ATP6V1D: variants seen among roughly 807,000 people sequenced by gnomAD.
ATP6V1D encodes V-type proton ATPase subunit D.
Under a neutral mutation model 39.4 loss-of-function variants are expected in ATP6V1D, and 20 were observed. The ratio of observed to expected loss-of-function variants is 0.51; its 90% CI spans 0.36 to 0.74. The LOEUF (loss-of-function observed/expected upper bound fraction) is 0.74, where lower values mean the gene tolerates loss of function less well. ATP6V1D is among the 30% of genes least tolerant of loss of function. The pLI is 0.00. For missense variants in ATP6V1D, 228 were observed against 291.6 expected (o/e 0.78, Z 1.59); for synonymous variants, 100 against 100.5 (o/e 0.99, Z 0.03).
chr14:67,343,784 C>T (rs957384048), intron 6 of ATP6V1D, among the ~76,000 whole-genome samples: 2 of 152,148 alleles, frequency 1.3e-5, no homozygotes, highest in African/African-American at 4.8e-5. Flanking sequence ...ATGGGAGGAT[C>T]GTTTGAGGCT....
At chr14:67,353,934 A>ACTGCACC (rs2085670631) in intron 1 of ATP6V1D, 1 of 151,420 alleles carries the variant, frequency 6.6e-6, no homozygotes, top group Admixed American at 6.6e-5. Context: ...GATTATGGGC[A>ACTGCACC]TGAACCACTG....
Position 67,341,363 on chromosome 14 carries a change from G to A in ATP6V1D, c.524-845C>T, listed in dbSNP as rs573675977. ...TGAGGAGACCCTCCACCCGGCAGCCGCCCCATCTGAGAAGTGAGGAGCCCC... is the reference window on the plus strand; with the variant it reads ...TGAGGAGACCCTCCACCCGGCAGCCACCCCATCTGAGAAGTGAGGAGCCCC... On this transcript the variant is annotated intron_variant, in intron 7 of 8. Transcript: ENST00000216442. 3.0e-3 allele frequency among the ~76,000 whole-genome samples: 444 copies of A among 149,900 alleles called. 4 individuals are homozygous for A. The highest frequency in any genetic ancestry group is 0.011 in the African/African-American group (433 of 40,480).
intron 5 of ATP6V1D, among the ~76,000 whole-genome samples, chr14:67,347,061 G>A (rs994749131): frequency 4.0e-5 from 6 of 151,882 alleles, no homozygotes; most frequent in African/African-American, 7.3e-5. Context: ...ATCAGAACTC[G>A]CTGCAACTAC....
chr14:67,337,926 G>C lies in ATP6V1D; in HGVS notation c.*695C>G, dbSNP rs2085552652. On this transcript the variant is annotated 3_prime_UTR_variant, in exon 9 of 9. Transcript: ENST00000216442. Reference sequence around the variant, plus strand: ...CCAAAATGCAACAGTTGTCTCAAAAGTAAGCCTTTTTGTAAAACTCTAATA... The same window carrying C: ...CCAAAATGCAACAGTTGTCTCAAAACTAAGCCTTTTTGTAAAACTCTAATA... The C allele has an allele frequency of 1.3e-5, 2 of 152,158 alleles. No individual in the cohort carries two copies. The highest frequency in any genetic ancestry group is 6.5e-5 in the Admixed American group (1 of 15,278). 9.4% of individuals were successfully genotyped at this position (152,158 alleles called of 1,614,324 possible). A position where few individuals can be genotyped will look rare whatever the true frequency, so the allele number is the denominator to read the frequency against.
intron 7 of ATP6V1D, among the ~76,000 whole-genome samples, chr14:67,340,845 C>T (rs1017774768): frequency 1.3e-4 from 20 of 152,320 alleles, no homozygotes; most frequent in Non-Finnish European, 2.1e-4. Context: ...GACTGGTTTT[C>T]GTATTTTTTT....
At chr14:67,342,686 A>G (rs2085594029) in intron 7 of ATP6V1D, among the ~76,000 whole-genome samples, 1 of 150,360 alleles carries the variant, frequency 6.7e-6, no homozygotes, top group African/African-American at 2.4e-5. Flanking sequence ...TATAGTTAAT[A>G]TAACAGTTAA....
intron 2 of ATP6V1D, among the ~76,000 whole-genome samples, chr14:67,352,482 A>G (rs1350606724): frequency 6.6e-6 from 1 of 152,130 alleles, no homozygotes; most frequent in African/African-American, 2.4e-5. Flanking sequence ...ATGCGGTAGT[A>G]CATGCTACAA....
At chr14:67,354,675 GA>G (rs747407092) in intron 1 of ATP6V1D, among the ~76,000 whole-genome samples, 14 of 152,104 alleles carry the variant, frequency 9.2e-5, no homozygotes, top group Non-Finnish European at 1.8e-4. Context: ...GCAAAGTAAG[GA>G]AAAAATGTGC....
chr14:67,345,258 T>C (rs1463051729), intron 6 of ATP6V1D, among the ~76,000 whole-genome samples: 1 of 144,850 alleles, frequency 6.9e-6, no homozygotes, highest in Non-Finnish European at 1.5e-5. Flanking sequence ...TAAATAAATT[T>C]TTAAATTAAA....
chr14:67,357,386 A>G (rs985857150), intron 1 of ATP6V1D, among the ~76,000 whole-genome samples: 5 of 152,232 alleles, frequency 3.3e-5, no homozygotes, highest in African/African-American at 9.6e-5. Context: ...ATCTGACTAC[A>G]TGACAAAAAG....
Position 67,355,063 on chromosome 14 carries a change from C to A in ATP6V1D, c.42-2023G>T, listed in dbSNP as rs138410595. Among the ~76,000 whole-genome samples, 59 of 152,212 alleles carry A rather than the reference C, an allele frequency of 3.9e-4. No homozygotes were observed. The East Asian group carries it at 9.5e-3, about 24-fold the overall frequency. On this transcript the variant is annotated intron_variant, in intron 1 of 8. Transcript: ENST00000216442. ...CTGACCTCAGGTGATCCGCCCACCTCGGCCTCACAAAGTGCTAGGATTACA... is the reference window on the plus strand; with the variant it reads ...CTGACCTCAGGTGATCCGCCCACCTAGGCCTCACAAAGTGCTAGGATTACA...
chr14:67,352,151 C>A (rs2085658517), intron 2 of ATP6V1D, among the ~76,000 whole-genome samples: 2 of 151,808 alleles, frequency 1.3e-5, no homozygotes, highest in South Asian at 4.2e-4. Flanking sequence ...ATAAAAACAG[C>A]ACTCATAGAA....
At chr14:67,349,275 A>C (rs937528156) in intron 3 of ATP6V1D, among the ~76,000 whole-genome samples, 171 bp from the exon 4 acceptor site, 1 of 152,242 alleles carries the variant, frequency 6.6e-6, no homozygotes, top group Non-Finnish European at 1.5e-5. Context: ...CTGCTAGAGG[A>C]GGGCCTCTGA....
intron 8 of ATP6V1D, among the ~76,000 whole-genome samples, chr14:67,339,244 G>A (rs556135034): frequency 1.5e-4 from 23 of 152,100 alleles, no homozygotes; most frequent in Middle Eastern, 3.4e-3. Flanking sequence ...TGATCCACCC[G>A]CCTTGGCCTC....
At chr14:67,347,573 C>T (rs1269444035) in intron 4 of ATP6V1D, 120 bp from the exon 5 acceptor site, 2 of 788,694 alleles carry the variant, frequency 2.5e-6, no homozygotes, top group Admixed American at 5.2e-5. Flanking sequence ...GTGATCTCGC[C>T]TCACCGCAAC....
intron 2 of ATP6V1D, among the ~76,000 whole-genome samples, chr14:67,352,298 C>T (rs1323048560): frequency 6.6e-6 from 1 of 151,598 alleles, no homozygotes; most frequent in African/African-American, 2.4e-5. Flanking sequence ...AGTGAGACCT[C>T]GTCTCTACTA....
chr14:67,345,992 T>C (rs1481307080), intron 5 of ATP6V1D, 121 bp from the exon 6 acceptor site: 17 of 669,232 alleles, frequency 2.5e-5, no homozygotes, highest in South Asian at 2.4e-4. Flanking sequence ...CTAATCTTCA[T>C]TGAATGTAAA....
In ATP6V1D at chr14:67,358,148, G is replaced by A. The variant is rs1286318938; in HGVS notation, c.41+1510C>T. ...TCACCCTAGGGGCAGGCCTTACATT[G>A]CTAGAAGATAAACTAGTGTCGATGT... On this transcript the variant is annotated intron_variant, in intron 1 of 8. Transcript: ENST00000216442. 2.6e-5 allele frequency among the ~76,000 whole-genome samples: 4 copies of A among 152,230 alleles called. No homozygotes were observed. The East Asian group carries it at 5.8e-4, about 22-fold the overall frequency.
chr14:67,341,130 C>T (rs1184393434), intron 7 of ATP6V1D, among the ~76,000 whole-genome samples: 4 of 152,066 alleles, frequency 2.6e-5, no homozygotes, highest in South Asian at 2.1e-4. Flanking sequence ...TCTGCCTGGC[C>T]GCCCATCGTC....
Sources: allele counts gnomAD v4.1 joint callset (sites outside exome capture counted in the v4.1 genomes callset), GRCh38; gene constraint gnomAD v4.1.1; transcripts MANE v1.5; gene names NCBI Gene and HGNC (gene_info 2026-07-23, HGNC 2026-07-21).